ZNF680: variants seen among roughly 807,000 people sequenced by gnomAD.
ZNF680 encodes the protein zinc finger protein 680, also known as hypothetical protein FLJ90430.
A neutral mutation model predicts 12.1 loss-of-function variants in ZNF680; 6 were observed. The ratio of observed to expected loss-of-function variants is 0.49; its 90% confidence interval spans 0.27 to 0.98. ZNF680 has a LOEUF of 0.98. ZNF680 is among the 50% of genes least tolerant of loss of function. The pLI is 0.12. For synonymous variants in ZNF680, 170 were observed against 199.3 expected, an observed-to-expected ratio of 0.85 and a Z score of 1.24; for missense variants, 561 against 616.3, an observed-to-expected ratio of 0.91 and a Z score of 0.95.
At chr7:64,544,007 A>C in intron 2 of ZNF680, 1 of 601,846 alleles carries the variant, frequency 1.7e-6, no homozygotes, top group Non-Finnish European at 2.7e-6. Context: ...CTGAATCAAA[A>C]ATTGGTGGGG....
chr7:64,513,292 G>A, the ZNF680 span, among the ~76,000 whole-genome samples: 13 of 151,564 alleles, frequency 8.6e-5, no homozygotes, highest in African/African-American at 3.1e-4. Context: ...TTAAAAGTAC[G>A]TTTTGCCTAA....
intron 1 of ZNF680, among the ~76,000 whole-genome samples, chr7:64,546,484 A>G (rs11765236): frequency 0.23 from 34,343 of 152,172 alleles, 4,064 homozygotes; most frequent in South Asian, 0.28. Flanking sequence ...GCTCAGGCCA[A>G]TAATCCTAGC....
chr7:64,540,303 CTTTTT>C (rs61265238), intron 3 of ZNF680, among the ~76,000 whole-genome samples: 2 of 129,142 alleles, frequency 1.5e-5, no homozygotes, highest in Non-Finnish European at 3.2e-5. Flanking sequence ...CTGATTTATC[CTTTTT>C]TTTTTTTTTT....
chr7:64,550,662 A>C (rs1347281261), intron 1 of ZNF680, among the ~76,000 whole-genome samples: 1 of 152,210 alleles, frequency 6.6e-6, no homozygotes, highest in Non-Finnish European at 1.5e-5. Flanking sequence ...TCATTGCAAG[A>C]GGTAAAATGG....
At chr7:64,511,724 A>G in the ZNF680 span, among the ~76,000 whole-genome samples, 20 of 146,102 alleles carry the variant, frequency 1.4e-4, 1 homozygote, top group Admixed American at 1.4e-3. Context: ...TACTGTTTAT[A>G]TTCTCTGTGA....
chr7:64,512,168 G>T, the ZNF680 span, among the ~76,000 whole-genome samples: 1 of 151,270 alleles, frequency 6.6e-6, no homozygotes, highest in Non-Finnish European at 1.5e-5. Context: ...TTTCTTAAGG[G>T]GCTGGGCACA....
At position 64,563,070 on chromosome 7, in the gene ZNF680, A is replaced by C. The variant is rs769638690; in HGVS notation, c.-116T>G. 2 of 1,250,102 alleles carry C rather than the reference A, an allele frequency of 1.6e-6. No homozygotes were observed. Among genetic ancestry groups the C allele is most frequent in the Non-Finnish European group, 2.3e-6 (2 of 871,344 alleles). The allele number at this position is 1,250,102 out of a possible 1,614,324, so 77.4% of individuals were successfully genotyped here. A position where few individuals can be genotyped will look rare whatever the true frequency, so the allele number is the denominator to read the frequency against. ...CCTGGAGCTCCCGCAGCAGCTAGAG[A>C]CAAAGGCCCCGCCAAATCCCGGAAG... On this transcript the variant is annotated 5_prime_UTR_variant, in exon 1 of 4. Coordinates refer to ENST00000309683, the MANE Select transcript of ZNF680 (RefSeq NM_178558.5).
At chr7:64,542,297 C>G (rs1343613798) in intron 3 of ZNF680, among the ~76,000 whole-genome samples, 1 of 152,138 alleles carries the variant, frequency 6.6e-6, no homozygotes, top group African/African-American at 2.4e-5. Flanking sequence ...CCTTTAAATT[C>G]AGACACCAAT....
chr7:64,533,148 T>C (rs902875531), intron 3 of ZNF680, among the ~76,000 whole-genome samples: 1 of 152,168 alleles, frequency 6.6e-6, no homozygotes, highest in Non-Finnish European at 1.5e-5. Context: ...TTCTTCAACA[T>C]AGCACTGGAA....
chr7:64,562,988 C>T lies in ZNF680; in HGVS notation c.-34G>A. 1 of 1,612,608 alleles carries T rather than the reference C, an allele frequency of 6.2e-7. No homozygotes were observed. Among genetic ancestry groups the T allele is most frequent in the Non-Finnish European group, 8.5e-7 (1 of 1,178,956 alleles). ...TGCATCTCCCAATACCTGCAGATAA[C>T]GGAGTCACAGAGGCTGGGCCTCTAG... On this transcript the variant is annotated 5_prime_UTR_variant, in exon 1 of 4. Coordinates refer to ENST00000309683, the MANE Select transcript of ZNF680 (RefSeq NM_178558.5).
chr7:64,546,526 G>A (rs956222821), intron 1 of ZNF680, among the ~76,000 whole-genome samples: 2 of 152,176 alleles, frequency 1.3e-5, no homozygotes, highest in African/African-American at 2.4e-5. Context: ...TGGATTGCCC[G>A]AGCTCAGGAA....
chr7:64,504,117 A>G, the ZNF680 span, among the ~76,000 whole-genome samples: 1 of 152,228 alleles, frequency 6.6e-6, no homozygotes, highest in African/African-American at 2.4e-5. Context: ...ATAGAATACT[A>G]TTATGACCTC....
chr7:64,536,675 C>T (rs1786186261), intron 3 of ZNF680, among the ~76,000 whole-genome samples: 1 of 152,158 alleles, frequency 6.6e-6, no homozygotes, highest in Non-Finnish European at 1.5e-5. Flanking sequence ...CTAGGCTTAA[C>T]AGACTCATAA....
downstream of ZNF680, among the ~76,000 whole-genome samples, chr7:64,515,040 TCACACACACA>T (rs60936039): frequency 0.024 from 3,549 of 149,044 alleles, 82 homozygotes; most frequent in Middle Eastern, 0.055. Flanking sequence ...CAAAACTCTG[TCACACACACA>T]CACACACACA....
chr7:64,505,750 TTC>T, the ZNF680 span, among the ~76,000 whole-genome samples: 2 of 151,944 alleles, frequency 1.3e-5, no homozygotes, highest in Non-Finnish European at 2.9e-5. Flanking sequence ...GTGATTTTTT[TTC>T]TTTTTGCATA....
chr7:64,559,143 T>C (rs1361601523), intron 1 of ZNF680, among the ~76,000 whole-genome samples: 1 of 152,214 alleles, frequency 6.6e-6, no homozygotes, highest in Non-Finnish European at 1.5e-5. Flanking sequence ...AAAGTAAGCA[T>C]GTGAAATTAC....
chr7:64,530,871 T>TTTTA (rs1554326943), intron 3 of ZNF680, among the ~76,000 whole-genome samples: 35 of 145,474 alleles, frequency 2.4e-4, no homozygotes, highest in African/African-American at 8.7e-4. Flanking sequence ...AAAAAAAATT[T>TTTTA]AAAAATAATA....
intron 1 of ZNF680, among the ~76,000 whole-genome samples, chr7:64,545,602 T>A (rs927519463): frequency 1.3e-5 from 2 of 152,188 alleles, no homozygotes; most frequent in African/African-American, 4.8e-5. Flanking sequence ...AATTATAATC[T>A]AAATTTAACC....
At chr7:64,544,146 T>A in intron 2 of ZNF680, 160 bp downstream of exon 2, 4 of 1,092,006 alleles carry the variant, frequency 3.7e-6, no homozygotes, top group Non-Finnish European at 5.1e-6. Context: ...TGAAACGTAC[T>A]GAAGGAATTT....
Sources: allele counts gnomAD v4.1 joint callset (sites outside exome capture counted in the v4.1 genomes callset), GRCh38; gene constraint gnomAD v4.1.1; transcripts MANE v1.5; gene names NCBI Gene and HGNC (gene_info 2026-07-23, HGNC 2026-07-21).